PCDHA7: variants seen among roughly 807,000 people sequenced by gnomAD.
The protein encoded by PCDHA7 is protocadherin alpha-7.
In PCDHA7, 37 loss-of-function variants were observed where a neutral mutation model predicts 57.2. The observed-to-expected ratio is 0.65, with a 90% CI of 0.50 to 0.85. The LOEUF (loss-of-function observed/expected upper bound fraction) is 0.85, where lower values mean the gene tolerates loss of function less well. Among genes scored for constraint, PCDHA7 ranks in the 40% least tolerant of loss-of-function variants. The pLI, the probability that PCDHA7 is intolerant of heterozygous loss-of-function variation, is 0.00. For synonymous variants in PCDHA7, 553 were observed against 558.8 expected (o/e 0.99, Z 0.15); for missense variants, 1,188 against 1,241.8 (o/e 0.96, Z 0.65).
intron 1 of PCDHA7, chr5:140,869,903 C>A: frequency 1.2e-6 from 2 of 1,610,648 alleles, no homozygotes; most frequent in Non-Finnish European, 1.7e-6. Flanking sequence ...CTAAACGCCA[C>A]AGACCGAGAC....
At position 140,927,469 on chromosome 5, in the gene PCDHA7, C is replaced by G. The variant is rs17844359; in HGVS notation, c.2356-51480C>G. ...GTTGGTGTTGGAGAAAGCACTGGATCGCGAACAGCGCGCCACCCACCTGCT... is the reference window on the plus strand; with the variant it reads ...GTTGGTGTTGGAGAAAGCACTGGATGGCGAACAGCGCGCCACCCACCTGCT... On this transcript the variant is annotated intron_variant, in intron 1 of 3. Transcript: ENST00000525929. 39 of 1,613,964 alleles carry G rather than the reference C, an allele frequency of 2.4e-5. No individual in the cohort carries two copies. The highest frequency in any genetic ancestry group is 1.3e-4 in the South Asian group (12 of 91,094).
intron 3 of PCDHA7, among the ~76,000 whole-genome samples, chr5:141,005,816 G>A (rs1295998009): frequency 1.3e-5 from 2 of 151,804 alleles, no homozygotes; most frequent in African/African-American, 4.8e-5. Context: ...AGCCAGGTAT[G>A]GTGGCCTGTA....
chr5:140,845,311 A>G (rs1384736573), intron 1 of PCDHA7, among the ~76,000 whole-genome samples: 1 of 149,364 alleles, frequency 6.7e-6, no homozygotes, highest in Non-Finnish European at 1.5e-5. Flanking sequence ...CCTGGTTCTC[A>G]GGTATTACTT....
chr5:140,892,185 C>T (rs569665979), intron 1 of PCDHA7, among the ~76,000 whole-genome samples: 1 of 152,254 alleles, frequency 6.6e-6, no homozygotes, highest in East Asian at 1.9e-4. Flanking sequence ...CCTCATGGGT[C>T]TATTCCTGTG....
chr5:140,851,325 T>G (rs2042028843), intron 1 of PCDHA7: 3 of 984,014 alleles, frequency 3.0e-6, no homozygotes, highest in South Asian at 4.6e-5. Context: ...TTGTTAAGTT[T>G]GTAGTTCTCT....
Position 140,836,613 on chromosome 5 carries a change from G to T in PCDHA7, c.2230G>T (p.Ala744Ser), listed in dbSNP as rs2150265622. The T allele has an allele frequency of 6.2e-7, 1 of 1,613,634 alleles. No homozygotes were observed. The highest frequency in any genetic ancestry group is 8.5e-7 in the Non-Finnish European group (1 of 1,179,754). ...LVKPTLVCSSAVGSWSFSQQR... is the reference protein window; with the variant it reads ...LVKPTLVCSSSVGSWSFSQQR... ...AAAGCCCACTCTGGTGTGCTCCAGC[G>T]CGGTGGGGAGCTGGTCATTCTCCCA... The change falls in exon 1 of 4, where the codon GCG (alanine) becomes TCG (serine). Residue 744 changes from alanine (A) to serine (S), a missense_variant. Coordinates refer to ENST00000525929, the MANE Select transcript of PCDHA7 (RefSeq NM_018910.3).
chr5:140,851,018 A>G (rs1389465492), intron 1 of PCDHA7: 4 of 1,432,904 alleles, frequency 2.8e-6, no homozygotes, highest in South Asian at 1.7e-5. Context: ...TTTTTCTGAT[A>G]AAGTAAACCC....
At chr5:140,856,690 T>G (rs1368181199) in intron 1 of PCDHA7, 2 of 1,597,086 alleles carry the variant, frequency 1.3e-6, no homozygotes, top group African/African-American at 2.7e-5. Context: ...TGACAGCAAC[T>G]GATGGAGGCA....
At chr5:140,863,631 G>A (rs2048100597) in intron 1 of PCDHA7, 1 of 306,834 alleles carries the variant, frequency 3.3e-6, no homozygotes, top group Non-Finnish European at 6.4e-6. Flanking sequence ...CATTGATAAT[G>A]TTCACCAAGT....
Position 140,950,516 on chromosome 5 carries a change from G to A in PCDHA7, c.2356-28433G>A, listed in dbSNP as rs184772904. ...ATTTAAGTCATTATTCCCTGTGTGCGATATGATTGTTTTTGTTGCTCTTGC... is the reference window on the plus strand; with the variant it reads ...ATTTAAGTCATTATTCCCTGTGTGCAATATGATTGTTTTTGTTGCTCTTGC... On this transcript the variant is annotated intron_variant, in intron 1 of 3. Coordinates refer to ENST00000525929, the MANE Select transcript of PCDHA7 (RefSeq NM_018910.3). Among the ~76,000 whole-genome samples, 6 of 152,110 alleles carry A rather than the reference G, an allele frequency of 3.9e-5. No individual in the cohort carries two copies. The East Asian group carries it at 9.6e-4, about 24-fold the overall frequency.
rs140380568 is a variant in PCDHA7, at chr5:140,850,532, G to T, written c.2355+13794G>T. On this transcript the variant is annotated intron_variant, in intron 1 of 3. Coordinates refer to ENST00000525929, the MANE Select transcript of PCDHA7 (RefSeq NM_018910.3). ...AGAGCGGCCAGGCGCCAAAGTCATC[G>T]TCGCGGGCGTCAGTGGGTGCCACGG... is the stretch of plus-strand genomic sequence containing the variant. 5.9e-5 allele frequency: 94 copies of T among 1,598,250 alleles called. 12 individuals carry two copies. Among genetic ancestry groups the T allele is most frequent in the Non-Finnish European group, 7.6e-5 (89 of 1,167,856 alleles).
chr5:140,843,494 G>A, intron 1 of PCDHA7: 1 of 1,596,028 alleles, frequency 6.3e-7, no homozygotes, highest in Non-Finnish European at 8.6e-7. Context: ...GCGGTGCTCA[G>A]CACTGCCCAC....
intron 1 of PCDHA7, among the ~76,000 whole-genome samples, chr5:140,844,849 G>A (rs1554140744): frequency 6.7e-6 from 1 of 148,746 alleles, no homozygotes; most frequent in African/African-American, 2.5e-5. Context: ...TGTGACTGTT[G>A]GACCTGCCTG....
intron 1 of PCDHA7, among the ~76,000 whole-genome samples, chr5:140,873,502 T>C (rs1554166743): frequency 3.3e-5 from 5 of 152,346 alleles, no homozygotes; most frequent in Non-Finnish European, 7.3e-5. Context: ...AGTTGTGTCT[T>C]TTATACTTAA....
chr5:140,961,639 G>A (rs2095626284), intron 1 of PCDHA7, among the ~76,000 whole-genome samples: 1 of 152,144 alleles, frequency 6.6e-6, no homozygotes, highest in East Asian at 1.9e-4. Flanking sequence ...ACAATCTTAA[G>A]TCTATGTGGT....
At chr5:140,875,906 C>T in intron 1 of PCDHA7, 1 of 1,614,204 alleles carries the variant, frequency 6.2e-7, no homozygotes, top group East Asian at 2.2e-5. Flanking sequence ...GTTTCTGAAT[C>T]TGCGCCTCTG....
intron 1 of PCDHA7, among the ~76,000 whole-genome samples, chr5:140,892,996 G>A (rs1014134688): frequency 2.0e-5 from 3 of 152,162 alleles, no homozygotes; most frequent in Admixed American, 1.3e-4. Flanking sequence ...GTGAGAACAT[G>A]TATTTATTTT....
intron 1 of PCDHA7, among the ~76,000 whole-genome samples, chr5:140,903,657 A>G (rs913315008): frequency 6.6e-6 from 1 of 152,230 alleles, no homozygotes; most frequent in Non-Finnish European, 1.5e-5. Flanking sequence ...TATATTATAA[A>G]TTTAACTGAT....
At chr5:140,991,026 T>A (rs1003749305) in intron 3 of PCDHA7, among the ~76,000 whole-genome samples, 8 of 152,210 alleles carry the variant, frequency 5.3e-5, no homozygotes, top group Admixed American at 2.0e-4. Context: ...ACTTTACATA[T>A]GTTGCATACT....
Sources: gnomAD v4.1 joint callset for allele counts (sites outside exome capture counted in the v4.1 genomes callset) on GRCh38, gnomAD v4.1.1 for gene constraint, MANE v1.5 for transcripts, NCBI Gene and HGNC (gene_info 2026-07-23, HGNC 2026-07-21) for gene names.